Variants in SRD5A2 observed in about 807,000 individuals in gnomAD.
SRD5A2 encodes 3-oxo-5-alpha-steroid 4-dehydrogenase 2.
SRD5A2 carries 30 observed loss-of-function variants against 27.4 expected under a neutral mutation model. That is an observed-to-expected ratio of 1.10 (90% CI 0.82 to 1.49). The LOEUF (loss-of-function observed/expected upper bound fraction) is 1.49. SRD5A2 is among the 40% of genes most tolerant of loss of function. SRD5A2 has a pLI of 0.00. For missense variants in SRD5A2, 348 were observed against 323.4 expected (o/e 1.08, Z -0.58); for synonymous variants, 141 against 133.6 (o/e 1.06, Z -0.38).
chr2:31,578,862 A>G (rs1408869136), intron 1 of SRD5A2, among the ~76,000 whole-genome samples: 2 of 152,354 alleles, frequency 1.3e-5, no homozygotes, highest in East Asian at 3.9e-4. Context: ...TAAAGATTAC[A>G]TTAATATGAT....
the SRD5A2 span, among the ~76,000 whole-genome samples, chr2:31,602,698 G>A: frequency 1.5e-4 from 23 of 151,664 alleles, no homozygotes; most frequent in African/African-American, 5.6e-4. Flanking sequence ...CAGTACTGGT[G>A]GAAGAACAGA....
chr2:31,612,231 A>G, the SRD5A2 span, among the ~76,000 whole-genome samples: 1 of 151,970 alleles, frequency 6.6e-6, no homozygotes, highest in Non-Finnish European at 1.5e-5. Context: ...CAGTGAGCTG[A>G]GATCATGCCA....
chr2:31,643,078 T>C, the SRD5A2 span, among the ~76,000 whole-genome samples: 1 of 152,130 alleles, frequency 6.6e-6, no homozygotes, highest in East Asian at 1.9e-4. Context: ...AAAAACATTC[T>C]GTATCTTGAT....
the SRD5A2 span, among the ~76,000 whole-genome samples, chr2:31,593,714 C>T: frequency 2.6e-5 from 4 of 152,062 alleles, no homozygotes; most frequent in Non-Finnish European, 5.9e-5. Context: ...GGAAATTCAT[C>T]GCAAAAAGAT....
upstream of SRD5A2, among the ~76,000 whole-genome samples, chr2:31,585,876 T>A (rs1667167157): frequency 6.6e-6 from 1 of 152,078 alleles, no homozygotes; most frequent in Admixed American, 6.6e-5. Flanking sequence ...CCAGCTGACT[T>A]AATAGCCTTT....
chr2:31,524,094 G>A lies in SRD5A2; in HGVS notation c.*2102C>T, dbSNP rs1665719613. 1 of 222,828 alleles carries A rather than the reference G, an allele frequency of 4.5e-6. No individual in the cohort carries two copies. The highest frequency in any genetic ancestry group is 9.0e-6 in the Non-Finnish European group (1 of 111,548). The allele number at this position is 222,828 out of a possible 1,614,324, so 13.8% of individuals were successfully genotyped here. On this transcript the variant is annotated 3_prime_UTR_variant, in exon 5 of 5. Coordinates refer to ENST00000622030, the MANE Select transcript of SRD5A2 (RefSeq NM_000348.4). The stretch of plus-strand genomic sequence containing the variant: ...CAAAAAGTGAAATTGCCAAATGGCG[G>A]TTTTGTCCTGAGACTGAGTACTGCC...
chr2:31,551,647 T>C, intron 1 of SRD5A2, among the ~76,000 whole-genome samples: 1 of 152,190 alleles, frequency 6.6e-6, no homozygotes, highest in East Asian at 1.9e-4. Context: ...ACTGAATGCA[T>C]TTTGCTTTCA....
At chr2:31,609,484 A>C in the SRD5A2 span, among the ~76,000 whole-genome samples, 1 of 152,142 alleles carries the variant, frequency 6.6e-6, no homozygotes, top group African/African-American at 2.4e-5. Flanking sequence ...ACTGATTTTC[A>C]ACAAGGTTGT....
At chr2:31,659,413 G>T in the SRD5A2 span, among the ~76,000 whole-genome samples, 2 of 152,220 alleles carry the variant, frequency 1.3e-5, no homozygotes, top group Middle Eastern at 6.8e-3. Flanking sequence ...CATGCAATAT[G>T]ATTTCATACC....
chr2:31,523,385 C>A lies in SRD5A2; in HGVS notation c.*2811G>T. On this transcript the variant is annotated 3_prime_UTR_variant, in exon 5 of 5. Coordinates refer to ENST00000622030, the MANE Select transcript of SRD5A2 (RefSeq NM_000348.4). ...GAAATCCAGATGGCAGCCCTAAAGG[C>A]TGTGCCTTAAGCAGAAGAAGCATAC... The A allele has an allele frequency of 4.7e-6, 1 of 214,512 alleles. No individual in the cohort carries two copies. The highest frequency in any genetic ancestry group is 9.4e-6 in the Non-Finnish European group (1 of 106,220). The allele number at this position is 214,512 out of a possible 1,614,324, so 13.3% of individuals were successfully genotyped here.
chr2:31,625,372 C>T, the SRD5A2 span, among the ~76,000 whole-genome samples: 618 of 152,222 alleles, frequency 4.1e-3, 7 homozygotes, highest in Non-Finnish European at 6.8e-3. Flanking sequence ...TAATTAGATC[C>T]CATTTGTCTA....
chr2:31,555,663 G>A lies in SRD5A2; in HGVS notation c.282-21897C>T, dbSNP rs1309883312. Among the ~76,000 whole-genome samples, 3 of 152,126 alleles carry A rather than the reference G, an allele frequency of 2.0e-5. No homozygotes were observed. In the East Asian group the frequency reaches 5.8e-4, roughly 29 times the overall value. On this transcript the variant is annotated intron_variant, in intron 1 of 4. Coordinates refer to ENST00000622030, the MANE Select transcript of SRD5A2 (RefSeq NM_000348.4). ...CTGCATTGATCTGGACCTGAAGCTGGAATTTTCCAGTTATGAGAGTTAATA... is the reference window on the plus strand; with the variant it reads ...CTGCATTGATCTGGACCTGAAGCTGAAATTTTCCAGTTATGAGAGTTAATA...
Position 31,546,716 on chromosome 2 carries a change from G to A in SRD5A2, c.282-12950C>T, listed in dbSNP as rs115710720. ...TGCTCACTAACTGGGTGATGGGATC[G>A]TTTGTACACCACACCTCAGCAACGT... On this transcript the variant is annotated intron_variant, in intron 1 of 4. Coordinates refer to ENST00000622030, the MANE Select transcript of SRD5A2 (RefSeq NM_000348.4). Among the ~76,000 whole-genome samples, 1,371 of 152,226 alleles carry A rather than the reference G, an allele frequency of 9.0e-3. 25 individuals carry two copies. Among genetic ancestry groups the A allele is most frequent in the African/African-American group, 0.031 (1,268 of 41,520 alleles).
chr2:31,655,814 C>G, the SRD5A2 span, among the ~76,000 whole-genome samples: 114 of 152,260 alleles, frequency 7.5e-4, no homozygotes, highest in African/African-American at 2.6e-3. Flanking sequence ...CAGCTTCCCC[C>G]ACTCCACTGG....
the SRD5A2 span, among the ~76,000 whole-genome samples, chr2:31,604,371 C>T: frequency 3.5e-4 from 53 of 151,582 alleles, no homozygotes; most frequent in African/African-American, 1.2e-3. Flanking sequence ...GATATGTTCT[C>T]ATATTTAGAA....
chr2:31,627,433 G>GGTGTGT, the SRD5A2 span, among the ~76,000 whole-genome samples: 583 of 149,812 alleles, frequency 3.9e-3, 9 homozygotes, highest in African/African-American at 0.011. Flanking sequence ...TTTGTACGGG[G>GGTGTGT]GTGTGTGTGT....
Position 31,524,386 on chromosome 2 carries a change from G to C in SRD5A2, c.*1810C>G, listed in dbSNP as rs1213313873. On this transcript the variant is annotated 3_prime_UTR_variant, in exon 5 of 5. Coordinates refer to ENST00000622030, the MANE Select transcript of SRD5A2 (RefSeq NM_000348.4). The stretch of plus-strand genomic sequence containing the variant: ...CCTTGTAGTTCTGAATTGTGGCTGA[G>C]AGGCTGTATAAGTCATACTTCTTTA... 4.5e-6 allele frequency: 1 copy of C among 224,608 alleles called. No homozygotes were observed. Among genetic ancestry groups the C allele is most frequent in the African/African-American group, 2.2e-5 (1 of 44,868 alleles). 13.9% of individuals were successfully genotyped at this position (224,608 alleles called of 1,614,324 possible). A position where few individuals can be genotyped will look rare whatever the true frequency, so the allele number is the denominator to read the frequency against.
At chr2:31,570,835 C>A (rs1666834767) in intron 1 of SRD5A2, among the ~76,000 whole-genome samples, 1 of 152,090 alleles carries the variant, frequency 6.6e-6, no homozygotes, top group African/African-American at 2.4e-5. Context: ...TAAAAGATCT[C>A]TACAATGAGA....
chr2:31,562,217 C>CT (rs1022838908), intron 1 of SRD5A2, among the ~76,000 whole-genome samples: 3 of 151,548 alleles, frequency 2.0e-5, no homozygotes, highest in African/African-American at 7.3e-5. Flanking sequence ...GTTTACAGGT[C>CT]TTTTTTTTCC....
Sources: allele counts gnomAD v4.1 joint callset (sites outside exome capture counted in the v4.1 genomes callset), GRCh38; gene constraint gnomAD v4.1.1; transcripts MANE v1.5; gene names NCBI Gene and HGNC (gene_info 2026-07-23, HGNC 2026-07-21).